The following TXLNB variants were observed in gnomAD, a reference collection of about 807,000 sequenced individuals.
The protein encoded by TXLNB is beta-taxilin.
In TXLNB, 37 loss-of-function variants were observed where a neutral mutation model predicts 57.4. That is an observed-to-expected ratio of 0.64 (90% CI 0.50 to 0.85). The LOEUF is 0.85. TXLNB is among the 40% of genes least tolerant of loss of function. The probability of loss-of-function intolerance (pLI) is 0.00; values close to 1 mark genes in which losing one functional copy is unlikely to be tolerated. For synonymous variants in TXLNB, 302 were observed against 309.6 expected (o/e 0.98, Z 0.26); for missense variants, 848 against 825.6 (o/e 1.03, Z -0.33).
the TXLNB span, among the ~76,000 whole-genome samples, chr6:139,316,027 G>C: frequency 6.6e-6 from 1 of 152,250 alleles, no homozygotes; most frequent in Non-Finnish European, 1.5e-5. Context: ...ACTTCATTAA[G>C]TTTAAATAAT....
the TXLNB span, among the ~76,000 whole-genome samples, chr6:139,212,109 A>C: frequency 6.6e-6 from 1 of 152,188 alleles, no homozygotes; most frequent in Non-Finnish European, 1.5e-5. Context: ...CAACATTCAA[A>C]TTCAGGAAAT....
At chr6:139,233,853 A>G in the TXLNB span, among the ~76,000 whole-genome samples, 1 of 152,224 alleles carries the variant, frequency 6.6e-6, no homozygotes, top group Non-Finnish European at 1.5e-5. Context: ...GGAACTGGGT[A>G]ACAGGCAGAG....
chr6:139,245,347 A>T (rs902782198), intron 8 of TXLNB: 3 of 152,296 alleles, frequency 2.0e-5, no homozygotes, highest in African/African-American at 7.2e-5. Flanking sequence ...TCATTTAATG[A>T]AGCATATAGA....
the TXLNB span, chr6:139,167,472 C>T: frequency 3.7e-5 from 25 of 678,830 alleles, no homozygotes; most frequent in East Asian, 2.8e-4. Flanking sequence ...ATTTCAGCTT[C>T]GCCCAGTGAC....
intron 4 of TXLNB, among the ~76,000 whole-genome samples, chr6:139,267,637 A>G (rs963772805): frequency 6.6e-6 from 1 of 152,188 alleles, no homozygotes; most frequent in East Asian, 1.9e-4. Context: ...CCACATCAGT[A>G]AGTACATTAT....
the TXLNB span, chr6:139,180,110 G>A: frequency 1.3e-5 from 2 of 152,082 alleles, no homozygotes; most frequent in African/African-American, 4.8e-5. Flanking sequence ...TTGGGGAGTT[G>A]GGTGAATTAT....
intron 5 of TXLNB, among the ~76,000 whole-genome samples, chr6:139,262,075 T>A (rs1053019752): frequency 1.3e-5 from 2 of 151,766 alleles, no homozygotes; most frequent in African/African-American, 4.8e-5. Flanking sequence ...GGCTAATTTT[T>A]TTTTGTATTT....
the TXLNB span, among the ~76,000 whole-genome samples, chr6:139,190,563 C>T: frequency 6.6e-6 from 1 of 152,030 alleles, no homozygotes; most frequent in East Asian, 1.9e-4. Flanking sequence ...CTCACCTCGG[C>T]CTCCCAAAGT....
the TXLNB span, among the ~76,000 whole-genome samples, chr6:139,161,671 T>G: frequency 1.3e-5 from 2 of 152,256 alleles, no homozygotes; most frequent in African/African-American, 4.8e-5. Flanking sequence ...CAAAGAAATA[T>G]CAAGTCAGTC....
chr6:139,288,849 A>T lies in TXLNB; in HGVS notation c.51T>A (p.Pro17=), dbSNP rs374232241. Residue 17 remains proline, a synonymous_variant, in exon 2 of 10, where the codon CCT becomes CCA. Transcript: ENST00000358430. ...EQLSAERQST[P]PGDSSSLPSH... is the part of the protein sequence containing the mutation. Reference sequence around the variant, plus strand: ...TGGGTAATGATGAACTGTCACCTGGAGGTGTTGACTGTCGTTCCGCTGAGA... The same window carrying T: ...TGGGTAATGATGAACTGTCACCTGGTGGTGTTGACTGTCGTTCCGCTGAGA... The T allele has an allele frequency of 1.9e-6, 3 of 1,613,942 alleles. No individual in the cohort carries two copies. In the East Asian group the frequency reaches 6.7e-5, roughly 36 times the overall value.
At chr6:139,165,392 C>G in the TXLNB span, among the ~76,000 whole-genome samples, 3 of 152,156 alleles carry the variant, frequency 2.0e-5, no homozygotes, top group African/African-American at 4.8e-5. Context: ...AATTGATGAA[C>G]CTACATTTAC....
At chr6:139,320,765 T>C in the TXLNB span, among the ~76,000 whole-genome samples, 3 of 152,158 alleles carry the variant, frequency 2.0e-5, no homozygotes, top group African/African-American at 7.2e-5. Flanking sequence ...GGTACAGACA[T>C]GATTCTCACT....
the TXLNB span, chr6:139,166,089 C>G: frequency 1.9e-6 from 1 of 533,190 alleles, no homozygotes; most frequent in South Asian, 2.9e-5. Flanking sequence ...AGAGATTCCA[C>G]CAGACTGGTT....
At chr6:139,196,089 T>G in the TXLNB span, among the ~76,000 whole-genome samples, 1 of 152,104 alleles carries the variant, frequency 6.6e-6, no homozygotes, top group Non-Finnish European at 1.5e-5. Flanking sequence ...GCAAATATTT[T>G]CTTTGGGGAG....
chr6:139,268,025 C>T (rs1776658372), intron 4 of TXLNB, among the ~76,000 whole-genome samples: 1 of 151,866 alleles, frequency 6.6e-6, no homozygotes, highest in African/African-American at 2.4e-5. Flanking sequence ...GTGGCGGGTG[C>T]CTGTAATTTC....
intron 4 of TXLNB, among the ~76,000 whole-genome samples, chr6:139,266,507 T>A (rs1467967451): frequency 6.6e-6 from 1 of 152,038 alleles, no homozygotes; most frequent in African/African-American, 2.4e-5. Context: ...AAAGAATCAC[T>A]GAATGTGAAG....
chr6:139,222,793 C>T, the TXLNB span, among the ~76,000 whole-genome samples: 1 of 152,076 alleles, frequency 6.6e-6, no homozygotes, highest in South Asian at 2.1e-4. Flanking sequence ...GGTGACAAAG[C>T]AAGACTCTAT....
At chr6:139,299,461 C>T in the TXLNB span, among the ~76,000 whole-genome samples, 1 of 152,168 alleles carries the variant, frequency 6.6e-6, no homozygotes, top group Non-Finnish European at 1.5e-5. Flanking sequence ...TTAATAGTCC[C>T]AACTTTGAAG....
the TXLNB span, chr6:139,166,109 G>C: frequency 6.9e-6 from 4 of 575,994 alleles, no homozygotes; most frequent in Non-Finnish European, 9.1e-6. Flanking sequence ...TGGTTAAGTA[G>C]CTTCATCATA....
Sources: gnomAD v4.1 joint callset for allele counts (sites outside exome capture counted in the v4.1 genomes callset) on GRCh38, gnomAD v4.1.1 for gene constraint, MANE v1.5 for transcripts, NCBI Gene and HGNC (gene_info 2026-07-23, HGNC 2026-07-21) for gene names.